The following HEATR5B variants were observed in gnomAD, a reference collection of about 807,000 sequenced individuals.
HEATR5B encodes the protein HEAT repeat containing 5B.
A neutral mutation model predicts 224.1 loss-of-function variants in HEATR5B; 156 were observed. The observed-to-expected ratio is 0.70, with a 90% confidence interval of 0.61 to 0.80. The LOEUF is 0.80. Ranked by LOEUF, HEATR5B falls within the 30% of genes least tolerant of loss-of-function variation. The pLI, the probability that HEATR5B is intolerant of heterozygous loss-of-function variation, is 0.00. For missense variants in HEATR5B, 2,323 were observed against 2,535.5 expected, an observed-to-expected ratio of 0.92 and a Z score of 1.80; for synonymous variants, 1,027 against 893.0, an observed-to-expected ratio of 1.15 and a Z score of -2.68.
rs761267952 is a variant in HEATR5B at position 37,064,931 on chromosome 2, C to T, written c.1393G>A (p.Ala465Thr). ...GCCACACAGCGCAAACACCATGCAG[C>T]AGCAAGTCGGGCAGCCATGCTTGGA... ...LHPSMAARLA[A>T]AWCLRCVAVA... Residue 465 changes from alanine (A) to threonine (T), a missense_variant, in exon 10 of 36, where the codon GCT becomes ACT. This residue lies in a region of HEATR5B where 502 missense variants were observed against 517.8 expected (regional missense o/e 0.97). Transcript: ENST00000233099. 6.2e-6 allele frequency: 10 copies of T among 1,614,132 alleles called. No homozygotes were observed. The highest frequency in any genetic ancestry group is 5.0e-5 in the Admixed American group (3 of 60,002).
In HEATR5B at chr2:37,028,190, G is replaced by A. The variant is rs751525602; in HGVS notation, c.3602-16C>T. 3 of 1,549,350 alleles carry A rather than the reference G, an allele frequency of 1.9e-6. No individual in the cohort carries two copies. Among genetic ancestry groups the A allele is most frequent in the East Asian group, 2.3e-5 (1 of 44,184 alleles). On this transcript the variant is annotated splice_polypyrimidine_tract_variant and intron_variant, in intron 23 of 35. Coordinates refer to ENST00000233099, the MANE Select transcript of HEATR5B (RefSeq NM_019024.3). ...GTACTCATATCTATAACAAGAATAA[G>A]GAATATTGTAACAATCTCACATAAG... is the stretch of plus-strand genomic sequence containing the variant.
chr2:37,050,282 A>G (rs576064083), intron 17 of HEATR5B, among the ~76,000 whole-genome samples: 2 of 152,364 alleles, frequency 1.3e-5, no homozygotes, highest in South Asian at 4.1e-4. Context: ...TTTCACATGT[A>G]TATACTAATG....
rs1425222794 is a variant in HEATR5B at position 37,057,488 on chromosome 2, A to G, written c.2060-8T>C. ...GAAGTGCATTAAAAGATCCTAAAAAACAGAACTTCAGATCAGATTAAAAAG... is the reference window on the plus strand; with the variant it reads ...GAAGTGCATTAAAAGATCCTAAAAAGCAGAACTTCAGATCAGATTAAAAAG... On this transcript the variant is annotated splice_polypyrimidine_tract_variant and splice_region_variant and intron_variant, in intron 14 of 35. Transcript: ENST00000233099. The G allele has an allele frequency of 6.3e-7, 1 of 1,593,294 alleles. No homozygotes were observed. Among genetic ancestry groups the G allele is most frequent in the South Asian group, 1.2e-5 (1 of 86,840 alleles).
intron 26 of HEATR5B, among the ~76,000 whole-genome samples, chr2:37,016,994 A>C: frequency 6.6e-6 from 1 of 152,246 alleles, no homozygotes; most frequent in East Asian, 1.9e-4. Context: ...AGGAAACTAA[A>C]GAACATATGG....
intron 18 of HEATR5B, among the ~76,000 whole-genome samples, chr2:37,046,417 T>A (rs1031995211): frequency 1.3e-5 from 2 of 152,044 alleles, no homozygotes; most frequent in Non-Finnish European, 2.9e-5. Context: ...GGTGGGTGGA[T>A]CATTTGAAGT....
At chr2:37,009,278 A>T (rs10183865) in intron 27 of HEATR5B, among the ~76,000 whole-genome samples, 1 of 145,236 alleles carries the variant, frequency 6.9e-6, no homozygotes, top group African/African-American at 2.7e-5. Context: ...AAAAAAAAAA[A>T]AAGAAGAAAG....
Position 37,005,735 on chromosome 2 carries a change from G to A in HEATR5B, c.4802C>T (p.Ser1601Phe). Reference sequence around the variant, plus strand: ...TTCAATGGGCTCCTCAGGTCTAGGGGAACAAAGAAACTGTATACTCACACC... The same window carrying A: ...TTCAATGGGCTCCTCAGGTCTAGGGAAACAAAGAAACTGTATACTCACACC... ...ILGVSIQFLC[S>F]PRPEEPIEHV... Residue 1601 changes from serine (S) to phenylalanine (F), a missense_variant, in exon 30 of 36, where the codon TCC (serine) becomes TTC (phenylalanine). Ser to Phe is a radical substitution (Grantham distance 155). This residue lies in a region of HEATR5B where 844 missense variants were observed against 812.9 expected (regional missense o/e 1.04). Transcript: ENST00000233099. The A allele has an allele frequency of 6.3e-7, 1 of 1,596,294 alleles. No homozygotes were observed. The highest frequency in any genetic ancestry group is 1.4e-5 in the African/African-American group (1 of 73,890).
At chr2:36,983,401 T>C (rs1416930085) in intron 35 of HEATR5B, among the ~76,000 whole-genome samples, 4 of 149,578 alleles carry the variant, frequency 2.7e-5, no homozygotes. Context: ...TAGCCGGGCA[T>C]GGTGGCGCAT....
At chr2:37,012,428 T>C (rs1667842657) in intron 27 of HEATR5B, among the ~76,000 whole-genome samples, 1 of 152,152 alleles carries the variant, frequency 6.6e-6, no homozygotes, top group African/African-American at 2.4e-5. Flanking sequence ...CTCGCTCTTG[T>C]TGCCCAGGCT....
At chr2:36,998,702 TGA>T (rs1187744528) in intron 33 of HEATR5B, among the ~76,000 whole-genome samples, 2 of 152,200 alleles carry the variant, frequency 1.3e-5, no homozygotes, top group East Asian at 3.8e-4. Context: ...GGGAGTTAAA[TGA>T]GAGTTTTATA....
intron 24 of HEATR5B, among the ~76,000 whole-genome samples, chr2:37,027,185 G>C (rs1668834194): frequency 6.6e-6 from 1 of 152,116 alleles, no homozygotes; most frequent in Non-Finnish European, 1.5e-5. Flanking sequence ...TCAATTCATA[G>C]ACGTCAATAT....
At chr2:37,038,500 T>C (rs976676330) in intron 20 of HEATR5B, among the ~76,000 whole-genome samples, 1 of 152,192 alleles carries the variant, frequency 6.6e-6, no homozygotes, top group Non-Finnish European at 1.5e-5. Context: ...AGCTACATTC[T>C]AGTTTTATAC....
intron 24 of HEATR5B, 61 bp downstream of exon 24, chr2:37,027,862 G>C: frequency 6.5e-7 from 1 of 1,536,084 alleles, no homozygotes; most frequent in Non-Finnish European, 8.9e-7. Flanking sequence ...ATATCTCATA[G>C]CAGCAAAATG....
At chr2:37,075,846 T>A in intron 4 of HEATR5B, 1 of 352,762 alleles carries the variant, frequency 2.8e-6, no homozygotes, top group East Asian at 4.7e-5. Context: ...AATTAGGTTT[T>A]AAGTAAATAT....
chr2:36,985,745 G>A (rs151150568), intron 35 of HEATR5B, among the ~76,000 whole-genome samples: 49 of 151,100 alleles, frequency 3.2e-4, no homozygotes, highest in Admixed American at 1.8e-3. Context: ...CATTACAGGC[G>A]TGAGCCACCA....
At chr2:37,083,700 G>A (rs1450726762) in intron 1 of HEATR5B, among the ~76,000 whole-genome samples, 1 of 152,178 alleles carries the variant, frequency 6.6e-6, no homozygotes, top group Non-Finnish European at 1.5e-5. Flanking sequence ...CATTATTCCA[G>A]AAGAAATATG....
chr2:37,051,293 T>C (rs1166863760), intron 17 of HEATR5B, among the ~76,000 whole-genome samples: 2 of 129,446 alleles, frequency 1.5e-5, no homozygotes, highest in African/African-American at 3.0e-5. Context: ...GAGGTGGAAG[T>C]TGCAGTGAGC....
intron 17 of HEATR5B, 56 bp from the exon 18 acceptor site, chr2:37,049,899 T>TTA: frequency 1.9e-6 from 2 of 1,047,080 alleles, no homozygotes; most frequent in Middle Eastern, 3.2e-4. Flanking sequence ...ATTATTATTA[T>TTA]TTTTTTTTTA....
intron 33 of HEATR5B, among the ~76,000 whole-genome samples, chr2:36,993,258 G>A (rs1666458639): frequency 6.6e-6 from 1 of 152,070 alleles, no homozygotes; most frequent in Non-Finnish European, 1.5e-5. Context: ...TGGGCCGGGT[G>A]CAGTGGCTCA....
Sources: gnomAD v4.1 joint callset for allele counts (sites outside exome capture counted in the v4.1 genomes callset) on GRCh38, gnomAD v4.1.1 for gene constraint, gnomAD v4.1.1 regional missense constraint, MANE v1.5 for transcripts, NCBI Gene and HGNC (gene_info 2026-07-23, HGNC 2026-07-21) for gene names.